SEMA5A: variants seen among roughly 807,000 people sequenced by gnomAD.
SEMA5A encodes the protein semaphorin-5A.
A neutral mutation model predicts 135.5 loss-of-function variants in SEMA5A; 55 were observed. The ratio of observed to expected loss-of-function variants is 0.41; its 90% CI spans 0.33 to 0.51. SEMA5A has a LOEUF of 0.51. Ranked by LOEUF, SEMA5A falls within the 20% of genes least tolerant of loss-of-function variation. The pLI is 0.37. For missense variants in SEMA5A, 1,290 were observed against 1,419.9 expected, an observed-to-expected ratio of 0.91 and a Z score of 1.47; for synonymous variants, 580 against 546.5, an observed-to-expected ratio of 1.06 and a Z score of -0.85.
intron 4 of SEMA5A, among the ~76,000 whole-genome samples, chr5:9,323,337 G>T (rs986601281): frequency 2.6e-5 from 4 of 152,100 alleles, no homozygotes; most frequent in Non-Finnish European, 4.4e-5. Flanking sequence ...TGTTTTTCAT[G>T]TGTTATTTTT....
chr5:9,113,007 G>A (rs1193749909), intron 15 of SEMA5A, among the ~76,000 whole-genome samples: 1 of 152,180 alleles, frequency 6.6e-6, no homozygotes, highest in Non-Finnish European at 1.5e-5. Flanking sequence ...ATCCCACAAG[G>A]AAATGAAGGC....
chr5:9,326,977 CTT>C (rs1393195553), intron 4 of SEMA5A, among the ~76,000 whole-genome samples: 2 of 152,068 alleles, frequency 1.3e-5, no homozygotes, highest in Admixed American at 1.3e-4. Context: ...ATTTCCAAGA[CTT>C]TTCATTATGC....
At chr5:9,122,523 A>T in intron 14 of SEMA5A, 133 bp downstream of exon 14, 2 of 881,366 alleles carry the variant, frequency 2.3e-6, no homozygotes, top group Non-Finnish European at 1.6e-6. Flanking sequence ...TGTAAGTTTT[A>T]AATGGTGAAT....
intron 11 of SEMA5A, among the ~76,000 whole-genome samples, chr5:9,161,739 A>T (rs1743267964): frequency 6.6e-6 from 1 of 152,168 alleles, no homozygotes; most frequent in South Asian, 2.1e-4. Context: ...AACCCACAAC[A>T]TCATGAGCTT....
chr5:9,490,292 A>G (rs1734937297), intron 1 of SEMA5A, among the ~76,000 whole-genome samples: 1 of 152,264 alleles, frequency 6.6e-6, no homozygotes, highest in East Asian at 1.9e-4. Context: ...CAAACATAAT[A>G]TATCTTATTT....
At chr5:9,164,811 G>C (rs1743516114) in intron 11 of SEMA5A, among the ~76,000 whole-genome samples, 1 of 152,070 alleles carries the variant, frequency 6.6e-6, no homozygotes, top group Non-Finnish European at 1.5e-5. Flanking sequence ...CTTTTTGAAG[G>C]ATTTCTAGAA....
At chr5:9,200,424 T>C (rs1276739930) in intron 9 of SEMA5A, among the ~76,000 whole-genome samples, 1 of 152,238 alleles carries the variant, frequency 6.6e-6, no homozygotes, top group East Asian at 1.9e-4. Context: ...CAGACTCTCC[T>C]TGTGCATAAA....
intron 21 of SEMA5A, among the ~76,000 whole-genome samples, chr5:9,048,002 C>T (rs557441286): frequency 1.3e-5 from 2 of 152,210 alleles, no homozygotes; most frequent in South Asian, 4.1e-4. Context: ...TGGCAGCAGG[C>T]ACAAATACCT....
At chr5:9,233,391 C>T (rs916103064) in intron 6 of SEMA5A, among the ~76,000 whole-genome samples, 2 of 152,124 alleles carry the variant, frequency 1.3e-5, no homozygotes, top group African/African-American at 4.8e-5. Context: ...TTCTATAATG[C>T]TATGTCCAGA....
At chr5:9,350,314 C>A (rs1003710110) in intron 3 of SEMA5A, among the ~76,000 whole-genome samples, 2 of 152,122 alleles carry the variant, frequency 1.3e-5, no homozygotes, top group Non-Finnish European at 2.9e-5. Flanking sequence ...TTCTCGGGAA[C>A]CGTATTCATA....
intron 1 of SEMA5A, among the ~76,000 whole-genome samples, chr5:9,535,121 C>G (rs1244387243): frequency 6.6e-6 from 1 of 152,218 alleles, no homozygotes; most frequent in Non-Finnish European, 1.5e-5. Context: ...CGCTGTGAAT[C>G]CTTAAGGGCT....
At chr5:9,371,180 A>C (rs1192430224) in intron 3 of SEMA5A, among the ~76,000 whole-genome samples, 1 of 152,162 alleles carries the variant, frequency 6.6e-6, no homozygotes, top group Non-Finnish European at 1.5e-5. Context: ...AACAATTGAA[A>C]TTTTACCTGA....
At position 9,337,462 on chromosome 5, in the gene SEMA5A, C is replaced by A. The variant is rs185750010; in HGVS notation, c.224+251G>T. ...TACCTCTTAGGTTTGAATGGAGGAA[C>A]AAATGAGTTAATTCATGTTAGAACA... On this transcript the variant is annotated intron_variant, in intron 4 of 22. Transcript: ENST00000382496. Among the ~76,000 whole-genome samples, 388 of 152,264 alleles carry A rather than the reference C, an allele frequency of 2.5e-3. 3 individuals are homozygous for A. The highest frequency in any genetic ancestry group is 3.7e-3 in the Non-Finnish European group (251 of 68,008).
chr5:9,190,699 T>C (rs1284942053), intron 10 of SEMA5A, among the ~76,000 whole-genome samples: 1 of 152,094 alleles, frequency 6.6e-6, no homozygotes, highest in Non-Finnish European at 1.5e-5. Flanking sequence ...TCATCATAAA[T>C]GAACTGATCA....
intron 12 of SEMA5A, among the ~76,000 whole-genome samples, chr5:9,139,846 A>C (rs1741967176): frequency 6.6e-6 from 1 of 152,218 alleles, no homozygotes; most frequent in East Asian, 1.9e-4. Context: ...TTATAGAAAG[A>C]TTAAAGATTA....
intron 11 of SEMA5A, among the ~76,000 whole-genome samples, chr5:9,182,152 C>CA (rs527453011): frequency 7.8e-6 from 1 of 127,444 alleles, no homozygotes; most frequent in Non-Finnish European, 1.7e-5. Flanking sequence ...TGCTTCTGCC[C>CA]CCCACCCCAA....
chr5:9,043,908 T>C (rs902747929), intron 22 of SEMA5A, among the ~76,000 whole-genome samples: 11 of 152,204 alleles, frequency 7.2e-5, no homozygotes, highest in African/African-American at 2.7e-4. Flanking sequence ...TTTCTTGAGA[T>C]CCAAATGTTT....
chr5:9,384,611 GATAGAT>G (rs1755772394), intron 2 of SEMA5A, among the ~76,000 whole-genome samples: 1 of 73,530 alleles, frequency 1.4e-5, no homozygotes, highest in African/African-American at 5.4e-5. Context: ...TAGATAGATA[GATAGAT>G]ACATAGATAG....
chr5:9,203,321 C>A (rs1745824606), intron 8 of SEMA5A, among the ~76,000 whole-genome samples: 1 of 152,196 alleles, frequency 6.6e-6, no homozygotes, highest in Admixed American at 6.5e-5. Context: ...CAAGTATATT[C>A]ACAAAGACAC....
Sources: allele counts gnomAD v4.1 joint callset (sites outside exome capture counted in the v4.1 genomes callset), GRCh38; gene constraint gnomAD v4.1.1; transcripts MANE v1.5; gene names NCBI Gene and HGNC (gene_info 2026-07-23, HGNC 2026-07-21).